B3GALT1: variants seen among roughly 807,000 people sequenced by gnomAD.
B3GALT1 encodes beta-1,3-galactosyltransferase 1.
A neutral mutation model predicts 23.2 loss-of-function variants in B3GALT1; 10 were observed. That is an observed-to-expected ratio of 0.43 (90% CI 0.27 to 0.73). The LOEUF (loss-of-function observed/expected upper bound fraction) is 0.73. Among genes scored for constraint, B3GALT1 ranks in the 30% least tolerant of loss-of-function variants. The probability of loss-of-function intolerance (pLI) is 0.21; values close to 1 mark genes in which losing one functional copy is unlikely to be tolerated. For synonymous variants in B3GALT1, 156 were observed against 141.5 expected, an observed-to-expected ratio of 1.10 and a Z score of -0.73; for missense variants, 299 against 405.4, an observed-to-expected ratio of 0.74 and a Z score of 2.25.
At chr2:167,577,277 A>G (rs1684404006) in intron 2 of B3GALT1, among the ~76,000 whole-genome samples, 1 of 151,856 alleles carries the variant, frequency 6.6e-6, no homozygotes, top group African/African-American at 2.4e-5. Context: ...CTTAGTACAT[A>G]AGACTTGTAA....
chr2:167,616,170 T>C (rs998932351), intron 2 of B3GALT1, among the ~76,000 whole-genome samples: 1 of 152,000 alleles, frequency 6.6e-6, no homozygotes, highest in African/African-American at 2.4e-5. Context: ...AAAAGGAGAT[T>C]GAATATCTAA....
intron 2 of B3GALT1, among the ~76,000 whole-genome samples, chr2:167,638,279 C>T (rs1003697961): frequency 7.2e-5 from 11 of 151,884 alleles, no homozygotes; most frequent in Admixed American, 2.6e-4. Flanking sequence ...ACATTTTCAC[C>T]GTGAAGCAGC....
intron 1 of B3GALT1, among the ~76,000 whole-genome samples, chr2:167,416,405 A>C (rs1237002816): frequency 6.6e-6 from 1 of 152,224 alleles, no homozygotes; most frequent in East Asian, 1.9e-4. Flanking sequence ...GTAGGCTTGC[A>C]GAAAGAAAGA....
intron 2 of B3GALT1, among the ~76,000 whole-genome samples, chr2:167,638,771 A>G (rs1685603489): frequency 6.6e-6 from 1 of 152,018 alleles, no homozygotes; most frequent in African/African-American, 2.4e-5. Context: ...TTTAAATAGA[A>G]TCTTATTGAT....
chr2:167,873,569 T>G lies in B3GALT1; in HGVS notation c.*3549T>G, dbSNP rs115133046. ...TAATATGTGGGTTTAGTGGGAGAAT[T>G]GATTATGTCATTTCTTCTGTAAAGG... On this transcript the variant is annotated 3_prime_UTR_variant, in exon 5 of 5. Transcript: ENST00000392690. 4.5e-3 allele frequency: 689 copies of G among 152,362 alleles called. 3 individuals carry two copies. The highest frequency in any genetic ancestry group is 0.016 in the African/African-American group (665 of 41,590). 9.4% of individuals were successfully genotyped at this position (152,362 alleles called of 1,614,324 possible).
intron 1 of B3GALT1, among the ~76,000 whole-genome samples, chr2:167,410,994 C>A (rs1040158752): frequency 7.3e-5 from 11 of 151,034 alleles, no homozygotes; most frequent in Non-Finnish European, 1.6e-4. Flanking sequence ...GAGCATATAT[C>A]AAATAATTTT....
intron 1 of B3GALT1, among the ~76,000 whole-genome samples, chr2:167,435,936 A>G (rs940294701): frequency 8.9e-5 from 13 of 145,740 alleles, no homozygotes; most frequent in African/African-American, 3.1e-4. Context: ...CTCCATGTCT[A>G]CCCTCCACAC....
At chr2:167,447,804 G>A (rs1274017106) in intron 1 of B3GALT1, among the ~76,000 whole-genome samples, 1 of 152,130 alleles carries the variant, frequency 6.6e-6, no homozygotes, top group Admixed American at 6.5e-5. Flanking sequence ...GACCCCTTGT[G>A]CTTCCTGGGT....
At chr2:167,784,743 T>A (rs1688313394) in intron 3 of B3GALT1, among the ~76,000 whole-genome samples, 2 of 152,192 alleles carry the variant, frequency 1.3e-5, no homozygotes, top group Admixed American at 1.3e-4. Flanking sequence ...AAAACAATGC[T>A]GTATTAAAAA....
chr2:167,461,211 T>C (rs1699254503), intron 1 of B3GALT1, among the ~76,000 whole-genome samples: 1 of 152,190 alleles, frequency 6.6e-6, no homozygotes, highest in Non-Finnish European at 1.5e-5. Flanking sequence ...CATGTACCAA[T>C]TGCTTCAAGA....
rs111317635 is a variant in B3GALT1 at position 167,547,643 on chromosome 2, T to G, written c.-410+57366T>G. ...CTGGGAGGCAGAGGTTCCAGTGAGC[T>G]GATACCATGCACTGTACTCCGGCCT... is the stretch of plus-strand genomic sequence containing the variant. On this transcript the variant is annotated intron_variant, in intron 2 of 4. Transcript: ENST00000392690. 6.1e-3 allele frequency among the ~76,000 whole-genome samples: 892 copies of G among 146,744 alleles called. 9 individuals are homozygous for G. Among genetic ancestry groups the G allele is most frequent in the African/African-American group, 0.021 (835 of 39,240 alleles).
At chr2:167,307,121 A>G (rs974352690) in intron 1 of B3GALT1, among the ~76,000 whole-genome samples, 1 of 152,028 alleles carries the variant, frequency 6.6e-6, no homozygotes, top group Non-Finnish European at 1.5e-5. Context: ...ATCCTAAAAA[A>G]GATTACCCAT....
intron 3 of B3GALT1, among the ~76,000 whole-genome samples, chr2:167,785,385 C>T (rs1254033087): frequency 6.6e-6 from 1 of 152,102 alleles, no homozygotes; most frequent in East Asian, 1.9e-4. Flanking sequence ...ACTGGCCTAT[C>T]CCAGGAGCAG....
intron 2 of B3GALT1, among the ~76,000 whole-genome samples, chr2:167,643,816 G>A (rs769315895): frequency 3.3e-5 from 5 of 152,200 alleles, no homozygotes; most frequent in Non-Finnish European, 5.9e-5. Context: ...AGACACCATA[G>A]GCAGACTGGT....
chr2:167,390,942 A>G (rs139819638), intron 1 of B3GALT1, among the ~76,000 whole-genome samples: 101 of 152,316 alleles, frequency 6.6e-4, no homozygotes, highest in African/African-American at 2.3e-3. Context: ...TGATATCTTG[A>G]CCATCATTCT....
intron 4 of B3GALT1, among the ~76,000 whole-genome samples, chr2:167,827,942 G>T (rs907308481): frequency 6.6e-5 from 10 of 152,118 alleles, no homozygotes; most frequent in Non-Finnish European, 1.5e-4. Context: ...CAACAAACCC[G>T]TCACAACCAC....
chr2:167,742,902 T>A (rs1687596755), intron 3 of B3GALT1, among the ~76,000 whole-genome samples: 1 of 152,118 alleles, frequency 6.6e-6, no homozygotes, highest in African/African-American at 2.4e-5. Context: ...CTATAATGAA[T>A]TTTGTTTTAT....
chr2:167,746,870 AC>A (rs1467086873), intron 3 of B3GALT1, among the ~76,000 whole-genome samples: 1 of 152,218 alleles, frequency 6.6e-6, no homozygotes, highest in African/African-American at 2.4e-5. Flanking sequence ...TTGGGTTAGT[AC>A]ATATAATTTG....
At chr2:167,326,808 G>C (rs749169088) in intron 1 of B3GALT1, among the ~76,000 whole-genome samples, 1 of 152,042 alleles carries the variant, frequency 6.6e-6, no homozygotes. Context: ...TCATGCCTCA[G>C]CCTCCTGAGT....
Sources: gnomAD v4.1 joint callset for allele counts (sites outside exome capture counted in the v4.1 genomes callset) on GRCh38, gnomAD v4.1.1 for gene constraint, MANE v1.5 for transcripts, NCBI Gene and HGNC (gene_info 2026-07-23, HGNC 2026-07-21) for gene names.